Variants in RORA observed in about 807,000 individuals in gnomAD.
RORA encodes nuclear receptor ROR-alpha.
A neutral mutation model predicts 69.5 loss-of-function variants in RORA; 7 were observed. That is an observed-to-expected ratio of 0.10 (90% CI 0.06 to 0.19). RORA has a LOEUF of 0.19. Ranked by LOEUF, RORA falls within the 10% of genes least tolerant of loss-of-function variation. The probability of loss-of-function intolerance (pLI) is 1.00; values close to 1 mark genes in which losing one functional copy is unlikely to be tolerated. For missense variants in RORA, 457 were observed against 663.0 expected, an observed-to-expected ratio of 0.69 and a Z score of 3.41; for synonymous variants, 261 against 240.8, an observed-to-expected ratio of 1.08 and a Z score of -0.78.
chr15:60,892,264 G>A (rs2140458627), intron 1 of RORA, among the ~76,000 whole-genome samples: 1 of 152,288 alleles, frequency 6.6e-6, no homozygotes, highest in South Asian at 2.1e-4. Flanking sequence ...GGAATTCCAG[G>A]TCTTGGGATT....
intron 1 of RORA, among the ~76,000 whole-genome samples, chr15:60,963,139 GAT>G (rs1893460397): frequency 6.6e-6 from 1 of 152,202 alleles, no homozygotes; most frequent in African/African-American, 2.4e-5. Context: ...TTATGAGGCA[GAT>G]ATGACTATCC....
chr15:61,177,284 A>C (rs1384455944), intron 1 of RORA, among the ~76,000 whole-genome samples: 1 of 152,182 alleles, frequency 6.6e-6, no homozygotes, highest in Non-Finnish European at 1.5e-5. Context: ...AAAACAGGTG[A>C]GTGGGGACTT....
intron 2 of RORA, among the ~76,000 whole-genome samples, chr15:60,562,582 C>T (rs1354216108): frequency 1.3e-5 from 2 of 150,886 alleles, no homozygotes; most frequent in South Asian, 2.1e-4. Context: ...ACTATAGGCC[C>T]GTGCTACCAC....
At chr15:60,668,162 G>A (rs2070407714) in intron 2 of RORA, among the ~76,000 whole-genome samples, 1 of 152,092 alleles carries the variant, frequency 6.6e-6, no homozygotes, top group African/African-American at 2.4e-5. Context: ...AGACTTAACT[G>A]TCCTCACTCC....
At chr15:60,669,410 G>C (rs2070431864) in intron 2 of RORA, among the ~76,000 whole-genome samples, 1 of 151,474 alleles carries the variant, frequency 6.6e-6, no homozygotes, top group African/African-American at 2.4e-5. Context: ...ACACACAGAA[G>C]TAGTTCTAAC....
rs143714467 is a variant in RORA, at chr15:60,703,989, T to C, written c.167-25303A>G. 3.2e-3 allele frequency among the ~76,000 whole-genome samples: 480 copies of C among 152,324 alleles called. 4 individuals are homozygous for C. The highest frequency in any genetic ancestry group is 0.011 in the African/African-American group (468 of 41,562). On this transcript the variant is annotated intron_variant, in intron 1 of 10. Transcript: ENST00000335670. ...TCTACTTTTATGTCTTTTCCATAAT[T>C]GTTATAGTGAGTATTGTTTTACTTT... is the stretch of plus-strand genomic sequence containing the variant.
chr15:60,809,041 C>T (rs992351314), intron 1 of RORA, among the ~76,000 whole-genome samples: 5 of 151,894 alleles, frequency 3.3e-5, no homozygotes, highest in Admixed American at 6.6e-5. Context: ...GGGGTGGCGA[C>T]GGATAAAAGA....
intron 1 of RORA, among the ~76,000 whole-genome samples, chr15:60,718,526 G>A (rs560236591): frequency 3.3e-5 from 5 of 152,178 alleles, no homozygotes; most frequent in African/African-American, 9.7e-5. Context: ...AAAGGTATCC[G>A]TCTGTGGTTT....
intron 2 of RORA, among the ~76,000 whole-genome samples, chr15:60,561,424 A>C (rs1030709611): frequency 6.6e-6 from 1 of 151,948 alleles, no homozygotes; most frequent in African/African-American, 2.4e-5. Context: ...ATAATAATAA[A>C]TAATGAGGCA....
At chr15:60,599,836 C>A (rs1378465078) in intron 2 of RORA, among the ~76,000 whole-genome samples, 1 of 152,152 alleles carries the variant, frequency 6.6e-6, no homozygotes, top group Non-Finnish European at 1.5e-5. Context: ...TTGCAGCTTG[C>A]CTATTTCATA....
intron 10 of RORA, among the ~76,000 whole-genome samples, chr15:60,498,622 T>G (rs929045957): frequency 6.6e-6 from 1 of 152,132 alleles, no homozygotes; most frequent in Non-Finnish European, 1.5e-5. Flanking sequence ...CAGAATAACC[T>G]TCTCTAGGAA....
intron 1 of RORA, among the ~76,000 whole-genome samples, chr15:60,956,680 T>C (rs1595844992): frequency 2.0e-5 from 3 of 152,376 alleles, no homozygotes; most frequent in South Asian, 2.1e-4. Context: ...GGATGACTTA[T>C]ATGAAGTGTT....
At chr15:61,014,297 C>G (rs1349505588) in intron 1 of RORA, among the ~76,000 whole-genome samples, 1 of 152,220 alleles carries the variant, frequency 6.6e-6, no homozygotes, top group East Asian at 1.9e-4. Flanking sequence ...TGTAAGCAAG[C>G]TGACTTATGC....
intron 2 of RORA, among the ~76,000 whole-genome samples, chr15:60,588,366 C>G (rs973955866): frequency 6.6e-6 from 1 of 152,116 alleles, no homozygotes; most frequent in African/African-American, 2.4e-5. Context: ...ATTTGTTCCA[C>G]ATAAGGGGTT....
At chr15:60,936,548 T>A (rs151155444) in intron 1 of RORA, among the ~76,000 whole-genome samples, 2 of 152,198 alleles carry the variant, frequency 1.3e-5, no homozygotes, top group African/African-American at 4.8e-5. Flanking sequence ...ATCCTCTCCA[T>A]CACCGTCACC....
intron 1 of RORA, among the ~76,000 whole-genome samples, chr15:60,797,162 G>A (rs1321165660): frequency 1.3e-5 from 2 of 149,164 alleles, no homozygotes; most frequent in East Asian, 1.9e-4. Flanking sequence ...ATTTCCTTTT[G>A]GGATAATTAA....
intron 1 of RORA, among the ~76,000 whole-genome samples, chr15:61,096,837 G>A (rs1318434329): frequency 1.3e-5 from 2 of 152,150 alleles, no homozygotes; most frequent in Non-Finnish European, 2.9e-5. Flanking sequence ...ATTTCCCATC[G>A]TGCCCTCAGA....
chr15:60,814,629 T>C (rs1469718581), intron 1 of RORA, among the ~76,000 whole-genome samples: 1 of 152,116 alleles, frequency 6.6e-6, no homozygotes, highest in African/African-American at 2.4e-5. Context: ...TGCTGAGGAA[T>C]TGCTGGGCTT....
intron 1 of RORA, among the ~76,000 whole-genome samples, chr15:60,741,579 C>G (rs1485761033): frequency 2.0e-5 from 3 of 152,168 alleles, no homozygotes; most frequent in Non-Finnish European, 4.4e-5. Flanking sequence ...GTTGGCTCCT[C>G]CCTGTCTGGC....
Sources: allele counts gnomAD v4.1 joint callset (sites outside exome capture counted in the v4.1 genomes callset), GRCh38; gene constraint gnomAD v4.1.1; transcripts MANE v1.5; gene names NCBI Gene and HGNC (gene_info 2026-07-23, HGNC 2026-07-21).